NPRL3: variants seen among roughly 807,000 people sequenced by gnomAD.
NPRL3 encodes the protein NPR3 like, GATOR1 complex subunit.
NPRL3 carries 23 observed loss-of-function variants against 57.2 expected under a neutral mutation model. The ratio of observed to expected loss-of-function variants is 0.40; its 90% confidence interval spans 0.29 to 0.57. The LOEUF (loss-of-function observed/expected upper bound fraction) is 0.57, where lower values mean the gene tolerates loss of function less well. Ranked by LOEUF, NPRL3 falls within the 20% of genes least tolerant of loss-of-function variation. The probability of loss-of-function intolerance (pLI) is 0.42; values close to 1 mark genes in which losing one functional copy is unlikely to be tolerated. For synonymous variants in NPRL3, 333 were observed against 321.1 expected, an observed-to-expected ratio of 1.04 and a Z score of -0.39; for missense variants, 691 against 767.1, an observed-to-expected ratio of 0.90 and a Z score of 1.17.
intron 5 of NPRL3, among the ~76,000 whole-genome samples, chr16:117,040 T>C (rs530362564): frequency 6.6e-6 from 1 of 152,298 alleles, no homozygotes; most frequent in Non-Finnish European, 1.5e-5. Flanking sequence ...GAAAGTGTTC[T>C]GGATCTAGAT....
chr16:117,522 G>A (rs1220836392), intron 4 of NPRL3, 147 bp from the exon 5 acceptor site: 3 of 614,186 alleles, frequency 4.9e-6, no homozygotes, highest in Non-Finnish European at 5.7e-6. Flanking sequence ...CTGGAGGCGT[G>A]CCTACTGCAT....
intron 7 of NPRL3, among the ~76,000 whole-genome samples, chr16:110,269 C>CA (rs1026947924): frequency 2.7e-5 from 4 of 148,582 alleles, no homozygotes; most frequent in African/African-American, 9.9e-5. Context: ...AACTCCATCT[C>CA]AAAAAAAAGA....
chr16:128,767 C>CA lies in NPRL3; in HGVS notation c.188+1754dup, dbSNP rs907319487. Among the ~76,000 whole-genome samples the CA allele has an allele frequency of 1.3e-3, 182 of 140,038 alleles. 1 individual carries two copies. Among genetic ancestry groups the CA allele is most frequent in the East Asian group, 6.4e-3 (31 of 4,840 alleles). 91.9% of individuals were successfully genotyped at this position (140,038 alleles called of 152,430 possible). The stretch of plus-strand genomic sequence containing the variant: ...TGGGTGACAGAGCGAGACTCCGTCT[C>CA]AAAAAAAAAAAAATCAAAGACACAG... On this transcript the variant is annotated intron_variant, in intron 3 of 13. Transcript: ENST00000611875.
At chr16:116,004 G>A (rs1290173744) in intron 5 of NPRL3, among the ~76,000 whole-genome samples, 7 of 152,148 alleles carry the variant, frequency 4.6e-5, no homozygotes, top group East Asian at 1.9e-4. Context: ...AAATCTTTAC[G>A]CAGTTGTAAA....
At chr16:126,176 A>G (rs1900505294) in intron 3 of NPRL3, 1 of 151,902 alleles carries the variant, frequency 6.6e-6, no homozygotes, top group Admixed American at 6.6e-5. Flanking sequence ...CAGGAGTTCA[A>G]TCACCTGAGG....
chr16:117,156 C>T (rs935829545), intron 5 of NPRL3, 145 bp downstream of exon 5: 1 of 599,578 alleles, frequency 1.7e-6, no homozygotes, highest in African/African-American at 1.9e-5. Flanking sequence ...AAGGGGTAAA[C>T]AATGAAGTGC....
At chr16:128,570 C>T (rs1475699215) in intron 3 of NPRL3, among the ~76,000 whole-genome samples, 3 of 152,132 alleles carry the variant, frequency 2.0e-5, no homozygotes, top group African/African-American at 7.2e-5. Context: ...AGATCGAGAC[C>T]GTCCTGGCTA....
chr16:133,296 C>T (rs549828714), intron 2 of NPRL3, among the ~76,000 whole-genome samples: 4 of 152,048 alleles, frequency 2.6e-5, no homozygotes, highest in Admixed American at 6.5e-5. Context: ...CGGATCTCAG[C>T]TCACTGCAAC....
intron 8 of NPRL3, among the ~76,000 whole-genome samples, chr16:98,675 T>G (rs1407277287): frequency 6.6e-6 from 1 of 152,256 alleles, no homozygotes; most frequent in East Asian, 1.9e-4. Context: ...GACTGGCTCA[T>G]GCCTATAATC....
chr16:132,616 T>TCTGTC (rs1328011202), intron 2 of NPRL3, among the ~76,000 whole-genome samples: 5 of 152,284 alleles, frequency 3.3e-5, no homozygotes, highest in Non-Finnish European at 7.4e-5. Context: ...TTTGCCCTGA[T>TCTGTC]CTGTCCAAGG....
Position 98,291 on chromosome 16 carries a change from C to T in NPRL3, c.778G>A (p.Ala260Thr). ...RSLKAIRPYH[A>T]LLLLSDEKSL... ...TTCTCATCACTGAGCAGCAGCAGGG[C>T]ATGGTAGGGGCTGCAAAACAATCAC... The change falls in exon 9 of 14, where the codon GCC becomes ACC. Residue 260 changes from alanine (A) to threonine (T), a missense_variant. Transcript: ENST00000611875. 4 of 1,613,256 alleles carry T rather than the reference C, an allele frequency of 2.5e-6. No individual in the cohort carries two copies. Among genetic ancestry groups the T allele is most frequent in the Non-Finnish European group, 3.4e-6 (4 of 1,179,614 alleles).
At chr16:94,042 G>A (rs1898880858) in intron 9 of NPRL3, among the ~76,000 whole-genome samples, 2 of 150,128 alleles carry the variant, frequency 1.3e-5, no homozygotes, top group Non-Finnish European at 3.0e-5. Flanking sequence ...CCTGGCAGGG[G>A]CACAGCCCTC....
At chr16:123,332 C>T (rs768127647) in intron 3 of NPRL3, among the ~76,000 whole-genome samples, 1 of 152,018 alleles carries the variant, frequency 6.6e-6, no homozygotes, top group Admixed American at 6.6e-5. Flanking sequence ...AGAGAAAAAG[C>T]CGGGGTGGTG....
At chr16:100,888 T>G (rs966266162) in intron 7 of NPRL3, among the ~76,000 whole-genome samples, 1 of 136,378 alleles carries the variant, frequency 7.3e-6, no homozygotes, top group Non-Finnish European at 1.5e-5. Flanking sequence ...GGAGAATCAC[T>G]TGAACCCAGG....
At chr16:123,485 G>A (rs1221987184) in intron 3 of NPRL3, 1 of 470,852 alleles carries the variant, frequency 2.1e-6, no homozygotes, top group Non-Finnish European at 4.4e-6. Flanking sequence ...ACAGAAAGAC[G>A]GTGGAGAGGT....
chr16:89,766 C>A lies in NPRL3; in HGVS notation c.1298G>T (p.Arg433Leu). 1 of 1,598,884 alleles carries A rather than the reference C, an allele frequency of 6.3e-7. No individual in the cohort carries two copies. Among genetic ancestry groups the A allele is most frequent in the Non-Finnish European group, 8.5e-7 (1 of 1,174,570 alleles). The part of the protein sequence containing the change: ...PREDDVPFTA[R>L]VGGRSLSTPN... Reference sequence around the variant, plus strand: ...CGTGCTGAGGCTGCGACCGCCGACCCGGGCAGTGAAGGGGACGTCGTCCTC... The same window carrying A: ...CGTGCTGAGGCTGCGACCGCCGACCAGGGCAGTGAAGGGGACGTCGTCCTC... Residue 433 changes from arginine (R) to leucine (L), a missense_variant, in exon 12 of 14, where the codon CGG becomes CTG. Transcript: ENST00000611875.
chr16:112,832 A>G, intron 5 of NPRL3, 57 bp from the exon 6 acceptor site: 1 of 1,485,136 alleles, frequency 6.7e-7, no homozygotes, highest in Middle Eastern at 1.8e-4. Flanking sequence ...ACAGCTGGAC[A>G]CAGTTTAAAT....
chr16:116,008 T>G (rs899726464), intron 5 of NPRL3, among the ~76,000 whole-genome samples: 1 of 152,232 alleles, frequency 6.6e-6, no homozygotes, highest in East Asian at 1.9e-4. Context: ...CTTTACGCAG[T>G]TGTAAAAGTT....
At chr16:121,974 C>A (rs1237549653) in intron 3 of NPRL3, among the ~76,000 whole-genome samples, 1 of 152,054 alleles carries the variant, frequency 6.6e-6, no homozygotes, top group African/African-American at 2.4e-5. Context: ...GGGGTTTCAC[C>A]ATGTTGGTCA....
Sources: gnomAD v4.1 joint callset for allele counts (sites outside exome capture counted in the v4.1 genomes callset) on GRCh38, gnomAD v4.1.1 for gene constraint, MANE v1.5 for transcripts, NCBI Gene and HGNC (gene_info 2026-07-23, HGNC 2026-07-21) for gene names.